The following LMTK2 variants were observed in gnomAD, a reference collection of about 807,000 sequenced individuals.
The protein encoded by LMTK2 is serine/threonine-protein kinase LMTK2.
Under a neutral mutation model 127.5 loss-of-function variants are expected in LMTK2, and 37 were observed. That is an observed-to-expected ratio of 0.29 (90% confidence interval 0.22 to 0.38). The LOEUF is 0.38. Ranked by LOEUF, LMTK2 falls within the 10% of genes least tolerant of loss-of-function variation. The pLI, the probability that LMTK2 is intolerant of heterozygous loss-of-function variation, is 1.00. For synonymous variants in LMTK2, 819 were observed against 810.1 expected (o/e 1.01, Z -0.19); for missense variants, 1,694 against 1,920.3 (o/e 0.88, Z 2.20).
At chr7:98,153,988 A>G (rs979372611) in intron 4 of LMTK2, among the ~76,000 whole-genome samples, 1 of 152,366 alleles carries the variant, frequency 6.6e-6, no homozygotes, top group Admixed American at 6.5e-5. Context: ...TCAGGACATT[A>G]AAATTAATCT....
At chr7:98,135,060 A>G (rs1165459408) in intron 1 of LMTK2, among the ~76,000 whole-genome samples, 1 of 152,218 alleles carries the variant, frequency 6.6e-6, no homozygotes, top group Non-Finnish European at 1.5e-5. Context: ...CATTGCTTTC[A>G]CAAAGGGACC....
rs1168046101 is a variant in LMTK2, at chr7:98,180,997, GGGAGCCCTTCTGC to G, written c.792-4039_792-4027del. Reference sequence around the variant, plus strand: ...AGGAGGATTCAGGGAATAGGAGCTGGGGAGCCCTTCTGCGGAGCCCTTCTGCGCCACAGTGATA... The same window carrying G: ...AGGAGGATTCAGGGAATAGGAGCTGGGGAGCCCTTCTGCGCCACAGTGATA... On this transcript the variant is annotated intron_variant, in intron 7 of 13. Coordinates refer to ENST00000297293, the MANE Select transcript of LMTK2 (RefSeq NM_014916.4). 1.3e-4 allele frequency among the ~76,000 whole-genome samples: 20 copies of G among 152,212 alleles called. No homozygotes were observed. In the East Asian group the frequency reaches 3.3e-3, roughly 25 times the overall value.
chr7:98,171,511 T>C lies in LMTK2; in HGVS notation c.658-30T>C. ...CGCTCACTTTATTCCTGTGGCTCGT[T>C]TGGAAACTCACACGGGCTGACTTTT... is the stretch of plus-strand genomic sequence containing the variant. On this transcript the variant is annotated intron_variant, in intron 6 of 13. Transcript: ENST00000297293. The surrounding 1 kb of genome is among the most constrained non-coding windows in gnomAD (Gnocchi z 5.1). 1.9e-6 allele frequency: 3 copies of C among 1,613,788 alleles called. No homozygotes were observed. The highest frequency in any genetic ancestry group is 2.5e-6 in the Non-Finnish European group (3 of 1,180,036).
chr7:98,195,112 G>A (rs1797607058), intron 11 of LMTK2, among the ~76,000 whole-genome samples: 1 of 152,116 alleles, frequency 6.6e-6, no homozygotes, highest in African/African-American at 2.4e-5. Flanking sequence ...CAAACTCCTG[G>A]GCTCAAGCCA....
At chr7:98,174,368 C>T (rs1797244826) in intron 7 of LMTK2, among the ~76,000 whole-genome samples, 1 of 152,124 alleles carries the variant, frequency 6.6e-6, no homozygotes, top group Admixed American at 6.5e-5. Flanking sequence ...GTATTTCTAC[C>T]TATTGTTTAA....
rs1049125656 is a variant in LMTK2, at chr7:98,199,918, T to C, written c.4108-3656T>C. On this transcript the variant is annotated intron_variant, in intron 11 of 13. Transcript: ENST00000297293. ...TATAGTTAGATGGGGTTTTTAAAACTCTGTTCTGAAAAATCTGCCTTTTAA... is the reference window on the plus strand; with the variant it reads ...TATAGTTAGATGGGGTTTTTAAAACCCTGTTCTGAAAAATCTGCCTTTTAA... Among the ~76,000 whole-genome samples, 5 of 152,320 alleles carry C rather than the reference T, an allele frequency of 3.3e-5. No individual in the cohort carries two copies. In the South Asian group the frequency reaches 1.0e-3, roughly 32 times the overall value.
At position 98,205,769 on chromosome 7, in the gene LMTK2, G is replaced by A. The variant is rs1429494951; in HGVS notation, c.*277G>A. The A allele has an allele frequency of 9.3e-6, 5 of 535,566 alleles. No homozygotes were observed. The highest frequency in any genetic ancestry group is 6.2e-5 in the East Asian group (2 of 32,266). The allele number at this position is 535,566 out of a possible 1,614,324, so 33.2% of individuals were successfully genotyped here. On this transcript the variant is annotated 3_prime_UTR_variant, in exon 14 of 14. Transcript: ENST00000297293. ...AGGCAGTGCTCATGCGCTGGCCGTC[G>A]GGGGAGGCAGGGGCACAGCCTCCAT... is the stretch of plus-strand genomic sequence containing the variant.
At chr7:98,131,277 T>A (rs1796516820) in intron 1 of LMTK2, among the ~76,000 whole-genome samples, 1 of 152,210 alleles carries the variant, frequency 6.6e-6, no homozygotes, top group African/African-American at 2.4e-5. Flanking sequence ...ATGTCATAGT[T>A]TTTAAAATAG....
At chr7:98,187,219 T>C (rs1262389247) in intron 9 of LMTK2, among the ~76,000 whole-genome samples, 1 of 152,216 alleles carries the variant, frequency 6.6e-6, no homozygotes, top group African/African-American at 2.4e-5. Context: ...CATTTTCCTT[T>C]AGAAAAGCAG....
intron 11 of LMTK2, among the ~76,000 whole-genome samples, chr7:98,203,088 G>T (rs1797727040): frequency 6.6e-6 from 1 of 152,216 alleles, no homozygotes; most frequent in South Asian, 2.1e-4. Flanking sequence ...TGAGACTGGA[G>T]AGCAAGAGAA....
At chr7:98,204,334 A>AGCTGATGATGGGAG in intron 13 of LMTK2, 148 bp downstream of exon 13, 1 of 1,073,146 alleles carries the variant, frequency 9.3e-7, no homozygotes, top group Non-Finnish European at 1.3e-6. Flanking sequence ...TAAAACTCCC[A>AGCTGATGATGGGAG]TCATCAGCTG....
chr7:98,192,422 G>A lies in LMTK2; in HGVS notation c.1957G>A (p.Asp653Asn), dbSNP rs1347577048. The change falls in exon 11 of 14, where the codon GAC (aspartate) becomes AAC (asparagine). Residue 653 changes from aspartate (D) to asparagine (N), a missense_variant. Transcript: ENST00000297293. ...TTTGCCCAGTCACCAAAAAATATTC[G>A]ACTTAATGGAATTAAACGGAGTTCA... ...EDLPSHQKIFDLMELNGVQAD... is the reference protein window; with the variant it reads ...EDLPSHQKIFNLMELNGVQAD... The A allele has an allele frequency of 1.4e-5, 22 of 1,611,478 alleles. No homozygotes were observed. The highest frequency in any genetic ancestry group is 3.4e-5 in the Admixed American group (2 of 59,258).
chr7:98,196,957 C>T (rs950224127), intron 11 of LMTK2, among the ~76,000 whole-genome samples: 10 of 152,224 alleles, frequency 6.6e-5, no homozygotes, highest in African/African-American at 1.2e-4. Context: ...AGCCACCAAG[C>T]GTTCAGGCCG....
intron 6 of LMTK2, among the ~76,000 whole-genome samples, chr7:98,164,003 C>T (rs1384325817): frequency 1.3e-5 from 2 of 152,346 alleles, no homozygotes; most frequent in Non-Finnish European, 2.9e-5. Context: ...ATGATAACAT[C>T]TCCCAAGTAG....
rs1387515513 is a variant in LMTK2 at position 98,151,562 on chromosome 7, T to TG, written c.450+108dup. 4 of 840,816 alleles carry TG rather than the reference T, an allele frequency of 4.8e-6. No homozygotes were observed. In the African/African-American group the frequency reaches 6.9e-5, roughly 14 times the overall value. 52.1% of individuals were successfully genotyped at this position (840,816 alleles called of 1,614,324 possible). The stretch of plus-strand genomic sequence containing the variant: ...GGAGTTCCACGTGCCCTGTGGGCCC[T>TG]GCGTTACTAATTGAGTTTCCCCATT... On this transcript the variant is annotated intron_variant, in intron 4 of 13. Coordinates refer to ENST00000297293, the MANE Select transcript of LMTK2 (RefSeq NM_014916.4).
chr7:98,195,943 A>G (rs1397506179), intron 11 of LMTK2, among the ~76,000 whole-genome samples: 2 of 152,188 alleles, frequency 1.3e-5, no homozygotes, highest in Non-Finnish European at 2.9e-5. Context: ...TAATCCCAGC[A>G]CTTTGGGAGG....
intron 5 of LMTK2, among the ~76,000 whole-genome samples, chr7:98,156,716 G>GT (rs1467451209): frequency 1.3e-5 from 2 of 152,200 alleles, no homozygotes; most frequent in African/African-American, 4.8e-5. Context: ...AAAGAGAGAT[G>GT]TTTTTAAAGG....
intron 7 of LMTK2, among the ~76,000 whole-genome samples, chr7:98,180,774 T>C (rs749611372): frequency 1.3e-5 from 2 of 152,204 alleles, no homozygotes; most frequent in African/African-American, 2.4e-5. Flanking sequence ...TAACAGACTA[T>C]TACTAGACTA....
chr7:98,201,867 C>T (rs1797709548), intron 11 of LMTK2, among the ~76,000 whole-genome samples: 1 of 152,198 alleles, frequency 6.6e-6, no homozygotes, highest in African/African-American at 2.4e-5. Context: ...GCTTCAGCCA[C>T]CCAAAGTGCT....
Sources: allele counts gnomAD v4.1 joint callset (sites outside exome capture counted in the v4.1 genomes callset), GRCh38; gene constraint gnomAD v4.1.1; non-coding constraint Gnocchi (gnomAD v3.1); transcripts MANE v1.5; gene names NCBI Gene and HGNC (gene_info 2026-07-23, HGNC 2026-07-21).